SGK1: variants seen among roughly 807,000 people sequenced by gnomAD.
The protein encoded by SGK1 is serine/threonine-protein kinase Sgk1.
SGK1 carries 26 observed loss-of-function variants against 64.2 expected under a neutral mutation model. The ratio of observed to expected loss-of-function variants is 0.40; its 90% CI spans 0.30 to 0.56. The LOEUF (loss-of-function observed/expected upper bound fraction) is 0.56, where lower values mean the gene tolerates loss of function less well. SGK1 is among the 20% of genes least tolerant of loss of function. The pLI is 0.38. For synonymous variants in SGK1, 265 were observed against 239.7 expected, an observed-to-expected ratio of 1.11 and a Z score of -0.98; for missense variants, 519 against 645.6, an observed-to-expected ratio of 0.80 and a Z score of 2.12.
chr6:134,255,245 T>G (rs1261492186), intron 2 of SGK1, among the ~76,000 whole-genome samples: 1 of 152,216 alleles, frequency 6.6e-6, no homozygotes, highest in African/African-American at 2.4e-5. Flanking sequence ...CTCTACAAGT[T>G]TATAATTTTG....
intron 2 of SGK1, among the ~76,000 whole-genome samples, chr6:134,249,794 T>G (rs185485537): frequency 2.6e-5 from 4 of 152,334 alleles, no homozygotes; most frequent in Non-Finnish European, 4.4e-5. Flanking sequence ...ACCTGAAAGG[T>G]CTGCTTTCAT....
chr6:134,242,273 G>T (rs111517859), intron 2 of SGK1, among the ~76,000 whole-genome samples: 14,910 of 152,098 alleles, frequency 0.098, 862 homozygotes, highest in African/African-American at 0.16. Flanking sequence ...ATCACCTGAG[G>T]TCAGGAGTTC....
chr6:134,172,180 A>G lies in SGK1; in HGVS notation c.1071+13T>C. ...CGGGGGTAAACCAGGCACCAAACCAAGACAGCGCCTACCTCCGGCGTGCCA... is the reference window on the plus strand; with the variant it reads ...CGGGGGTAAACCAGGCACCAAACCAGGACAGCGCCTACCTCCGGCGTGCCA... On this transcript the variant is annotated intron_variant, in intron 10 of 13. Transcript: ENST00000367858. 6.2e-7 allele frequency: 1 copy of G among 1,613,116 alleles called. No homozygotes were observed.
At chr6:134,221,075 A>G (rs191187284) in intron 2 of SGK1, among the ~76,000 whole-genome samples, 7 of 152,080 alleles carry the variant, frequency 4.6e-5, no homozygotes, top group Admixed American at 4.6e-4. Flanking sequence ...AGGCCGAGGC[A>G]GGCAGATCAT....
At chr6:134,216,499 A>G (rs561264384) in intron 2 of SGK1, among the ~76,000 whole-genome samples, 1 of 152,342 alleles carries the variant, frequency 6.6e-6, no homozygotes, top group South Asian at 2.1e-4. Context: ...CTTTGTATCT[A>G]TGAGATAAAA....
intron 1 of SGK1, among the ~76,000 whole-genome samples, chr6:134,273,426 T>TA (rs752788007): frequency 2.3e-4 from 34 of 145,932 alleles, no homozygotes; most frequent in African/African-American, 1.7e-4. Flanking sequence ...CCGTCTCTAC[T>TA]AAAAAAAATA....
chr6:134,195,791 GT>G (rs1432361713), intron 3 of SGK1, among the ~76,000 whole-genome samples: 2 of 152,188 alleles, frequency 1.3e-5, no homozygotes, highest in Non-Finnish European at 2.9e-5. Flanking sequence ...AAGCTTATCA[GT>G]TTTGTGTCTG....
intron 9 of SGK1, 155 bp downstream of exon 9, chr6:134,172,507 T>G (rs965798767): frequency 2.5e-6 from 2 of 785,844 alleles, no homozygotes; most frequent in African/African-American, 3.5e-5. Flanking sequence ...TGGTTCCCCC[T>G]TGGCACTTAA....
At chr6:134,285,449 G>T (rs1251415795) in intron 1 of SGK1, among the ~76,000 whole-genome samples, 1 of 144,766 alleles carries the variant, frequency 6.9e-6, no homozygotes, top group African/African-American at 2.6e-5. Flanking sequence ...CTGCACTCCA[G>T]CCTGGGCGAC....
intron 2 of SGK1, among the ~76,000 whole-genome samples, chr6:134,213,072 AGCATCCGCG>A (rs1263261380): frequency 6.6e-6 from 1 of 152,226 alleles, no homozygotes; most frequent in Non-Finnish European, 1.5e-5. Flanking sequence ...CAAGAACCAA[AGCATCCGCG>A]GCAAATTACC....
chr6:134,187,396 G>A (rs1397514049), intron 3 of SGK1, among the ~76,000 whole-genome samples: 3 of 152,152 alleles, frequency 2.0e-5, no homozygotes, highest in African/African-American at 7.2e-5. Context: ...TCACTAGGGG[G>A]AATAGTGAGT....
chr6:134,171,951 T>G (rs1775042114), intron 10 of SGK1: 1 of 628,384 alleles, frequency 1.6e-6, no homozygotes, highest in African/African-American at 1.8e-5. Flanking sequence ...ATCTCTTACT[T>G]AGGGATTTAG....
chr6:134,234,119 G>A (rs1171274399), intron 2 of SGK1, among the ~76,000 whole-genome samples: 2 of 152,204 alleles, frequency 1.3e-5, no homozygotes, highest in African/African-American at 4.8e-5. Context: ...TGTATTTCTG[G>A]CCAAGAGTGG....
intron 1 of SGK1, among the ~76,000 whole-genome samples, chr6:134,309,725 G>A (rs915368776): frequency 6.6e-6 from 1 of 152,160 alleles, no homozygotes. Context: ...AGGTTGGTGA[G>A]GAGCCAATGA....
At chr6:134,224,730 T>C (rs1776141382) in intron 2 of SGK1, among the ~76,000 whole-genome samples, 1 of 152,104 alleles carries the variant, frequency 6.6e-6, no homozygotes. Context: ...GCCTTAGAAA[T>C]TTTATAATAT....
At chr6:134,193,126 A>C (rs1582701374) in intron 3 of SGK1, among the ~76,000 whole-genome samples, 1 of 152,314 alleles carries the variant, frequency 6.6e-6, no homozygotes, top group African/African-American at 2.4e-5. Flanking sequence ...AGCTGATATC[A>C]TGTCTTACAT....
At chr6:134,237,058 C>CTTTTTTTT (rs56379518) in intron 2 of SGK1, among the ~76,000 whole-genome samples, 17 of 138,352 alleles carry the variant, frequency 1.2e-4, no homozygotes, top group East Asian at 2.1e-4. Context: ...TTTTCTTTTT[C>CTTTTTTTT]TTTTTTTTTT....
rs151110606 is a variant in SGK1, at chr6:134,276,585, G to C, written c.70-14437C>G. Among the ~76,000 whole-genome samples, 1,243 of 152,262 alleles carry C rather than the reference G, an allele frequency of 8.2e-3. 10 individuals carry two copies. The highest frequency in any genetic ancestry group is 0.017 in the Middle Eastern group (5 of 294). On this transcript the variant is annotated intron_variant, in intron 1 of 13. Transcript: ENST00000367858. ...GCTGAAGGATTCTAAATGTTAGCAT[G>C]ATCTGATCAGATTTGCTATCTTCTA...
At chr6:134,207,310 G>A in intron 3 of SGK1, 46 bp downstream of exon 3, 2 of 1,144,738 alleles carry the variant, frequency 1.7e-6, no homozygotes, top group Non-Finnish European at 2.6e-6. Context: ...ACTACAGAAT[G>A]TATCCTGTAC....
Sources: gnomAD v4.1 joint callset for allele counts (sites outside exome capture counted in the v4.1 genomes callset) on GRCh38, gnomAD v4.1.1 for gene constraint, MANE v1.5 for transcripts, NCBI Gene and HGNC (gene_info 2026-07-23, HGNC 2026-07-21) for gene names.